The following RGS6 variants were observed in gnomAD, a reference collection of about 807,000 sequenced individuals.
The protein encoded by RGS6 is regulator of G-protein signaling 6.
In RGS6, 30 loss-of-function variants were observed where a neutral mutation model predicts 78.5. The observed-to-expected ratio is 0.38, with a 90% confidence interval of 0.29 to 0.52. The LOEUF (loss-of-function observed/expected upper bound fraction) is 0.52. Among genes scored for constraint, RGS6 ranks in the 20% least tolerant of loss-of-function variants. The probability of loss-of-function intolerance (pLI) is 0.85; values close to 1 mark genes in which losing one functional copy is unlikely to be tolerated. For missense variants in RGS6, 495 were observed against 609.7 expected (o/e 0.81, Z 1.98); for synonymous variants, 206 against 206.0 (o/e 1.00, Z 0.00).
At chr14:71,965,007 T>A in intron 2 of RGS6, 132 bp downstream of exon 2, 1 of 538,114 alleles carries the variant, frequency 1.9e-6, no homozygotes, top group South Asian at 4.7e-5. Context: ...TCTCACATCC[T>A]CTGGTTCTCT....
intron 13 of RGS6, among the ~76,000 whole-genome samples, chr14:72,502,360 T>C (rs1191172159): frequency 2.6e-5 from 4 of 152,220 alleles, no homozygotes; most frequent in Admixed American, 6.5e-5. Flanking sequence ...TACAACCATG[T>C]GATCCCCAAG....
chr14:71,993,283 G>A (rs1279210836), intron 2 of RGS6, among the ~76,000 whole-genome samples: 1 of 150,626 alleles, frequency 6.6e-6, no homozygotes, highest in Non-Finnish European at 1.5e-5. Flanking sequence ...CATCTTAGCT[G>A]CCATGAACAG....
intron 14 of RGS6, 143 bp downstream of exon 14, chr14:72,510,422 A>G (rs2096864402): frequency 1.9e-6 from 2 of 1,030,314 alleles, no homozygotes; most frequent in Non-Finnish European, 1.4e-6. Context: ...GTTGAAATGG[A>G]GAAGAACAAA....
intron 2 of RGS6, among the ~76,000 whole-genome samples, chr14:72,059,987 A>G (rs1467300249): frequency 6.6e-6 from 1 of 152,134 alleles, no homozygotes; most frequent in East Asian, 1.9e-4. Flanking sequence ...GCGTTGTTCA[A>G]TGATTTACTT....
At chr14:72,435,933 G>A (rs560412723) in intron 3 of RGS6, among the ~76,000 whole-genome samples, 2 of 152,204 alleles carry the variant, frequency 1.3e-5, no homozygotes, top group South Asian at 2.1e-4. Context: ...CAGTTCTGGG[G>A]ATCAGGACAT....
intron 1 of RGS6, among the ~76,000 whole-genome samples, chr14:71,934,736 T>C (rs1416940600): frequency 6.6e-6 from 1 of 152,244 alleles, no homozygotes. Context: ...AATTTGCCAG[T>C]AATTTTGGAT....
the RGS6 span, among the ~76,000 whole-genome samples, chr14:72,578,155 T>A: frequency 6.6e-6 from 1 of 152,224 alleles, no homozygotes; most frequent in Non-Finnish European, 1.5e-5. Flanking sequence ...GATTTCCTCA[T>A]TTGAAAGATG....
intron 2 of RGS6, among the ~76,000 whole-genome samples, chr14:72,060,023 T>C (rs186094054): frequency 1.3e-5 from 2 of 152,178 alleles, no homozygotes; most frequent in Non-Finnish European, 2.9e-5. Flanking sequence ...TTATACACTT[T>C]CACTATGTCT....
At chr14:72,496,050 CT>C (rs1304855156) in intron 13 of RGS6, among the ~76,000 whole-genome samples, 6 of 152,200 alleles carry the variant, frequency 3.9e-5, no homozygotes, top group African/African-American at 1.4e-4. Flanking sequence ...ACTTTTGCCC[CT>C]TTTCTGGCTG....
intron 2 of RGS6, among the ~76,000 whole-genome samples, chr14:72,054,757 A>G (rs914949141): frequency 1.3e-5 from 2 of 152,136 alleles, no homozygotes; most frequent in African/African-American, 4.8e-5. Flanking sequence ...GGTAACCACC[A>G]TTCTGAACAT....
chr14:72,350,506 C>A (rs1426399974), intron 2 of RGS6, among the ~76,000 whole-genome samples: 1 of 152,164 alleles, frequency 6.6e-6, no homozygotes, highest in Non-Finnish European at 1.5e-5. Context: ...GCTATGTGAC[C>A]AGTTCTGGCC....
intron 2 of RGS6, among the ~76,000 whole-genome samples, chr14:72,170,244 A>G (rs533356609): frequency 8.1e-4 from 124 of 152,338 alleles, no homozygotes; most frequent in African/African-American, 2.7e-3. Context: ...TGTACCTACA[A>G]TGTCCAAAAT....
intron 15 of RGS6, among the ~76,000 whole-genome samples, chr14:72,520,518 A>G (rs2097022601): frequency 6.6e-6 from 1 of 152,228 alleles, no homozygotes; most frequent in Non-Finnish European, 1.5e-5. Context: ...AGTTAATTAG[A>G]GGTTACAAAA....
chr14:72,530,214 A>C (rs1315388721), intron 15 of RGS6, among the ~76,000 whole-genome samples: 1 of 152,192 alleles, frequency 6.6e-6, no homozygotes, highest in Non-Finnish European at 1.5e-5. Context: ...AAGTCAGAAC[A>C]AGAAGCAGGG....
the RGS6 span, among the ~76,000 whole-genome samples, chr14:72,585,391 G>C: frequency 6.6e-6 from 1 of 152,152 alleles, no homozygotes; most frequent in Non-Finnish European, 1.5e-5. Flanking sequence ...ACATAATGAG[G>C]TGTATTAGAA....
intron 17 of RGS6, among the ~76,000 whole-genome samples, chr14:72,557,960 A>C (rs954447734): frequency 6.6e-6 from 1 of 152,162 alleles, no homozygotes; most frequent in Admixed American, 6.5e-5. Flanking sequence ...CAAGGCATAG[A>C]TGTCATAGCT....
chr14:72,603,318 A>T, the RGS6 span, among the ~76,000 whole-genome samples: 2,654 of 152,336 alleles, frequency 0.017, 82 homozygotes, highest in African/African-American at 0.061. Context: ...ACAGATGGGT[A>T]AAGGCCTAGG....
At position 72,031,721 on chromosome 14, in the gene RGS6, T is replaced by C. The variant is rs376779428; in HGVS notation, c.84+66846T>C. ...GAAATAACACTTGCTTATATTTCATTGACCAAAGCAAGTCATGTGGCCATG... is the reference window on the plus strand; with the variant it reads ...GAAATAACACTTGCTTATATTTCATCGACCAAAGCAAGTCATGTGGCCATG... On this transcript the variant is annotated intron_variant, in intron 2 of 17. Transcript: ENST00000553525. Among the ~76,000 whole-genome samples, 157 of 152,330 alleles carry C rather than the reference T, an allele frequency of 1.0e-3. 6 individuals carry two copies. The South Asian group carries it at 0.031, about 30-fold the overall frequency.
chr14:71,973,435 A>C (rs1595469749), intron 2 of RGS6, among the ~76,000 whole-genome samples: 1 of 151,478 alleles, frequency 6.6e-6, no homozygotes, highest in Middle Eastern at 3.4e-3. Context: ...CTGTAATCCC[A>C]GCACTTTGGA....
Sources: allele counts gnomAD v4.1 joint callset (sites outside exome capture counted in the v4.1 genomes callset), GRCh38; gene constraint gnomAD v4.1.1; transcripts MANE v1.5; gene names NCBI Gene and HGNC (gene_info 2026-07-23, HGNC 2026-07-21).